NRCAM: variants seen among roughly 807,000 people sequenced by gnomAD.
The protein encoded by NRCAM is neuronal cell adhesion molecule.
Under a neutral mutation model 156.5 loss-of-function variants are expected in NRCAM, and 83 were observed. The observed-to-expected ratio is 0.53, with a 90% CI of 0.44 to 0.64. The LOEUF (loss-of-function observed/expected upper bound fraction) is 0.64, where lower values mean the gene tolerates loss of function less well. NRCAM is among the 30% of genes least tolerant of loss of function. The probability of loss-of-function intolerance (pLI) is 0.00; values close to 1 mark genes in which losing one functional copy is unlikely to be tolerated. For missense variants in NRCAM, 1,417 were observed against 1,597.3 expected, an observed-to-expected ratio of 0.89 and a Z score of 1.92; for synonymous variants, 538 against 563.9, an observed-to-expected ratio of 0.95 and a Z score of 0.65.
At chr7:108,435,352 A>C (rs1371260214) in intron 1 of NRCAM, among the ~76,000 whole-genome samples, 1 of 152,098 alleles carries the variant, frequency 6.6e-6, no homozygotes, top group Non-Finnish European at 1.5e-5. Context: ...AAATTATCTA[A>C]TTTGAAAAAC....
intron 2 of NRCAM, among the ~76,000 whole-genome samples, chr7:108,369,721 T>A (rs149543911): frequency 9.5e-4 from 145 of 152,256 alleles, no homozygotes; most frequent in Non-Finnish European, 1.8e-3. Flanking sequence ...GGCTTATCCA[T>A]CTTTAAATTC....
chr7:108,237,151 A>T (rs891112889), intron 5 of NRCAM, among the ~76,000 whole-genome samples: 10 of 152,188 alleles, frequency 6.6e-5, no homozygotes, highest in African/African-American at 2.4e-4. Flanking sequence ...CTAGGTGATA[A>T]ATGCCACCTG....
intron 6 of NRCAM, among the ~76,000 whole-genome samples, chr7:108,232,832 C>G (rs1307507565): frequency 6.6e-6 from 1 of 152,164 alleles, no homozygotes; most frequent in Non-Finnish European, 1.5e-5. Context: ...CAGGTACACT[C>G]TCTTAGAGCT....
intron 2 of NRCAM, among the ~76,000 whole-genome samples, chr7:108,346,393 A>C (rs936645029): frequency 1.3e-5 from 2 of 152,188 alleles, no homozygotes; most frequent in Non-Finnish European, 2.9e-5. Context: ...TTGCATGTTG[A>C]AGTATATTAT....
chr7:108,329,926 T>C (rs887514128), intron 2 of NRCAM, among the ~76,000 whole-genome samples: 1 of 152,184 alleles, frequency 6.6e-6, no homozygotes, highest in Admixed American at 6.5e-5. Flanking sequence ...TTTCAAAAGA[T>C]AAAAGAAATA....
intron 26 of NRCAM, among the ~76,000 whole-genome samples, chr7:108,177,482 G>GC (rs1336578440): frequency 6.6e-6 from 1 of 152,054 alleles, no homozygotes; most frequent in Non-Finnish European, 1.5e-5. Flanking sequence ...AATTTGCCGG[G>GC]CATGGTGGTG....
At chr7:108,340,302 T>C (rs6967611) in intron 2 of NRCAM, among the ~76,000 whole-genome samples, 130,260 of 146,270 alleles carry the variant, frequency 0.89, 57,981 homozygotes, top group East Asian at 1. Context: ...CCAGCCAGAG[T>C]GCATGTACCT....
chr7:108,285,938 C>A (rs535538391), intron 3 of NRCAM, among the ~76,000 whole-genome samples: 1 of 152,180 alleles, frequency 6.6e-6, no homozygotes, highest in African/African-American at 2.4e-5. Context: ...TTAAAATGCA[C>A]ATATGTTTCA....
intron 11 of NRCAM, among the ~76,000 whole-genome samples, chr7:108,214,502 T>C (rs949403889): frequency 1.3e-5 from 2 of 152,160 alleles, no homozygotes; most frequent in African/African-American, 4.8e-5. Flanking sequence ...CTCTCTTTCT[T>C]CTTTATTAGT....
chr7:108,209,258 T>G lies in NRCAM; in HGVS notation c.1075+163A>C, dbSNP rs112167851. ...GATTTGAACAAGTAAATTTTTAACC[T>G]GATTTAGATGCACTACCAATAGCAA... is the stretch of plus-strand genomic sequence containing the variant. On this transcript the variant is annotated intron_variant, in intron 12 of 32. Transcript: ENST00000379028. 7.5e-3 allele frequency among the ~76,000 whole-genome samples: 1,149 copies of G among 152,310 alleles called. 15 individuals are homozygous for G. Among genetic ancestry groups the G allele is most frequent in the African/African-American group, 0.026 (1,095 of 41,560 alleles).
intron 3 of NRCAM, among the ~76,000 whole-genome samples, chr7:108,268,016 A>AACACTGAAGC: frequency 4.1e-4 from 2 of 4,834 alleles, no homozygotes; most frequent in Non-Finnish European, 8.6e-4. Context: ...AGGATTTTTA[A>AACACTGAAGC]TTTTCTCATT....
At chr7:108,202,284 T>C (rs1223519200) in intron 13 of NRCAM, among the ~76,000 whole-genome samples, 2 of 152,156 alleles carry the variant, frequency 1.3e-5, no homozygotes, top group South Asian at 2.1e-4. Flanking sequence ...ACTTTCAACA[T>C]ATAGATAATG....
chr7:108,173,913 A>C (rs904850338), intron 28 of NRCAM, among the ~76,000 whole-genome samples: 14 of 152,200 alleles, frequency 9.2e-5, no homozygotes, highest in Admixed American at 9.2e-4. Flanking sequence ...CTAACGTGAC[A>C]AGTCCACTGA....
intron 2 of NRCAM, among the ~76,000 whole-genome samples, chr7:108,398,065 CTA>C (rs780331410): frequency 2.0e-4 from 30 of 152,194 alleles, no homozygotes; most frequent in Non-Finnish European, 3.2e-4. Flanking sequence ...TAACCATTGC[CTA>C]TAACTCCCAA....
intron 28 of NRCAM, among the ~76,000 whole-genome samples, chr7:108,169,263 G>A (rs1310832564): frequency 6.6e-6 from 1 of 152,146 alleles, no homozygotes; most frequent in Non-Finnish European, 1.5e-5. Flanking sequence ...ATTAAAAAAT[G>A]TTATTTGAAT....
chr7:108,184,324 C>G lies in NRCAM; in HGVS notation c.2234-13G>C. ...TTTTTATCTGGTTCTGGAAGTTAAG[C>G]AGCCACACATGTGTAAGCTTTGGCC... On this transcript the variant is annotated splice_polypyrimidine_tract_variant and intron_variant, in intron 21 of 32. Coordinates refer to ENST00000379028, the MANE Select transcript of NRCAM (RefSeq NM_001037132.4). 1 of 1,614,058 alleles carries G rather than the reference C, an allele frequency of 6.2e-7. No homozygotes were observed. Among genetic ancestry groups the G allele is most frequent in the Non-Finnish European group, 8.5e-7 (1 of 1,179,928 alleles).
chr7:108,321,700 G>C (rs1383065896), intron 2 of NRCAM, among the ~76,000 whole-genome samples: 1 of 152,152 alleles, frequency 6.6e-6, no homozygotes, highest in Admixed American at 6.5e-5. Flanking sequence ...GGCTCACAAA[G>C]ATCTTAAAGT....
At chr7:108,172,983 A>ATTTTTTTTTTTTTTTTTTTTTTTTTTTTT (rs143144704) in intron 28 of NRCAM, among the ~76,000 whole-genome samples, 1 of 118,776 alleles carries the variant, frequency 8.4e-6, no homozygotes, top group Non-Finnish European at 1.7e-5. Context: ...TGAGATGTTG[A>ATTTTTTTTTTTTTTTTTTTTTTTTTTTTT]TTTTTTTTTT....
chr7:108,331,076 C>T (rs537583288), intron 2 of NRCAM, among the ~76,000 whole-genome samples: 2 of 152,044 alleles, frequency 1.3e-5, no homozygotes, highest in African/African-American at 2.4e-5. Context: ...TCATTTAAAC[C>T]TAAAAATATA....
Sources: gnomAD v4.1 joint callset for allele counts (sites outside exome capture counted in the v4.1 genomes callset) on GRCh38, gnomAD v4.1.1 for gene constraint, MANE v1.5 for transcripts, NCBI Gene and HGNC (gene_info 2026-07-23, HGNC 2026-07-21) for gene names.